STK10: variants seen among roughly 807,000 people sequenced by gnomAD.
STK10 encodes serine/threonine kinase 10.
A neutral mutation model predicts 113.8 loss-of-function variants in STK10; 78 were observed. That is an observed-to-expected ratio of 0.69 (90% CI 0.57 to 0.83). STK10 has a LOEUF of 0.83. STK10 is among the 40% of genes least tolerant of loss of function. STK10 has a pLI of 0.00. For synonymous variants in STK10, 465 were observed against 494.7 expected, an observed-to-expected ratio of 0.94 and a Z score of 0.80; for missense variants, 1,109 against 1,280.1, an observed-to-expected ratio of 0.87 and a Z score of 2.04.
chr5:172,149,061 G>T (rs1770149979), intron 2 of STK10, among the ~76,000 whole-genome samples: 1 of 152,176 alleles, frequency 6.6e-6, no homozygotes. Flanking sequence ...CAGCTACTTG[G>T]GAGGCTAAGG....
At chr5:172,166,307 G>T (rs917104812) in intron 1 of STK10, among the ~76,000 whole-genome samples, 1 of 152,176 alleles carries the variant, frequency 6.6e-6, no homozygotes, top group South Asian at 2.1e-4. Flanking sequence ...TGTACCTGAA[G>T]GCGGACTCTA....
chr5:172,110,662 G>C lies in STK10; in HGVS notation c.521-2810C>G, dbSNP rs537024085. Among the ~76,000 whole-genome samples the C allele has an allele frequency of 2.0e-5, 3 of 152,298 alleles. No homozygotes were observed. In the South Asian group the frequency reaches 6.2e-4, roughly 32 times the overall value. On this transcript the variant is annotated intron_variant, in intron 4 of 18. Coordinates refer to ENST00000176763, the MANE Select transcript of STK10 (RefSeq NM_005990.4). ...GGACACAGCCTGGCCGGAAGGAGGG[G>C]GCCGGGGGTGGAAGCAGATAAGGCA...
chr5:172,089,494 G>A (rs1283576463), intron 10 of STK10, among the ~76,000 whole-genome samples: 12 of 146,902 alleles, frequency 8.2e-5, no homozygotes, highest in African/African-American at 1.6e-4. Flanking sequence ...GAGTGGGTGG[G>A]TGGATGGATG....
chr5:172,135,667 C>T (rs1164392056), intron 2 of STK10, among the ~76,000 whole-genome samples: 3 of 152,132 alleles, frequency 2.0e-5, no homozygotes, highest in Non-Finnish European at 4.4e-5. Context: ...ACTATTGATC[C>T]AAATGGCAAT....
chr5:172,118,782 G>A (rs1409350971), intron 3 of STK10, among the ~76,000 whole-genome samples: 1 of 150,938 alleles, frequency 6.6e-6, no homozygotes, highest in African/African-American at 2.4e-5. Context: ...AGGAGGCTGA[G>A]GCAGGAGAAT....
At position 172,093,675 on chromosome 5, in the gene STK10, C is replaced by T. The variant is rs1768774846; in HGVS notation, c.1291G>A (p.Ala431Thr). The T allele has an allele frequency of 1.9e-6, 3 of 1,614,132 alleles. No homozygotes were observed. The Admixed American group carries it at 5.0e-5, about 27-fold the overall frequency. The change falls in exon 9 of 19, where the codon GCT becomes ACT. Residue 431 changes from alanine to threonine, a missense_variant. Physicochemically the swap from Ala to Thr is moderately conservative, Grantham distance 58. Transcript: ENST00000176763. The surrounding 1 kb of genome is among the most constrained non-coding windows in gnomAD (Gnocchi z 4.1). ...GGGCTGAGGTCCCCACCCTGCTCAG[C>T]AACTTGCTTCTCCTGGGCTACCTGA... ...RIQVAQEKQV[A>T]EQGGDLSPAA...
intron 18 of STK10, among the ~76,000 whole-genome samples, chr5:172,048,414 T>TTCACACACACAC (rs1554114845): frequency 7.8e-6 from 1 of 128,394 alleles, no homozygotes; most frequent in Non-Finnish European, 1.6e-5. Context: ...TCCCTCTCCC[T>TTCACACACACAC]ACACACACAC....
At chr5:172,068,224 C>T (rs1699884192) in intron 12 of STK10, among the ~76,000 whole-genome samples, 1 of 151,948 alleles carries the variant, frequency 6.6e-6, no homozygotes, top group Admixed American at 6.6e-5. Context: ...GCCTGTAATC[C>T]CAGCTACTCA....
intron 2 of STK10, among the ~76,000 whole-genome samples, chr5:172,140,408 A>G (rs1366877092): frequency 6.6e-6 from 1 of 152,196 alleles, no homozygotes; most frequent in Non-Finnish European, 1.5e-5. Context: ...TAAAAACAGA[A>G]CTACTTGGCC....
intron 14 of STK10, among the ~76,000 whole-genome samples, chr5:172,059,509 C>T (rs1767884118): frequency 6.6e-6 from 1 of 151,904 alleles, no homozygotes; most frequent in Admixed American, 6.6e-5. Context: ...TTTGCATACC[C>T]CATGAAACTG....
Position 172,093,907 on chromosome 5 carries a change from AT to A in STK10, c.1058del (p.Asn353MetfsTer23), listed in dbSNP as rs771603990. The A allele has an allele frequency of 1.3e-6, 2 of 1,537,256 alleles. No individual in the cohort carries two copies. Among genetic ancestry groups the A allele is most frequent in the Admixed American group, 4.1e-5 (2 of 49,200 alleles). ...NSSEVSPPSL[N>X]ADKPLEESPS... ...GTGACTCCTCGAGAGGCTTGTCAGC[AT>A]TGAGGCTTGGCGGACTCACCTCAGA... On this transcript the variant is annotated frameshift_variant, in exon 9 of 19. Coordinates refer to ENST00000176763, the MANE Select transcript of STK10 (RefSeq NM_005990.4). LOFTEE classifies it high-confidence loss of function. This position sits in a 1 kb window ranked among gnomAD's most constrained non-coding sequence, Gnocchi z 4.1.
rs189759878 is a variant in STK10, at chr5:172,152,057, G to A, written c.321+4567C>T. Among the ~76,000 whole-genome samples, 13 of 152,304 alleles carry A rather than the reference G, an allele frequency of 8.5e-5. No individual in the cohort carries two copies. In the East Asian group the frequency reaches 1.9e-3, roughly 23 times the overall value. On this transcript the variant is annotated intron_variant, in intron 2 of 18. Transcript: ENST00000176763. ...ATGAGAGAGGCTTTCTCTGTCCATC[G>A]TGTTTACAGCACCTGCTCCTGACCC...
intron 2 of STK10, among the ~76,000 whole-genome samples, chr5:172,143,762 A>C (rs1357448042): frequency 6.6e-6 from 1 of 152,244 alleles, no homozygotes; most frequent in Non-Finnish European, 1.5e-5. Context: ...TCCTTGAAGA[A>C]GCAGTTTACA....
At chr5:172,097,543 C>T (rs754288065) in intron 7 of STK10, among the ~76,000 whole-genome samples, 2 of 152,204 alleles carry the variant, frequency 1.3e-5, no homozygotes, top group Non-Finnish European at 2.9e-5. Context: ...CTTTACTCAG[C>T]GTCATGACTG....
chr5:172,054,660 T>A lies in STK10; in HGVS notation c.2561A>T (p.Glu854Val), dbSNP rs1223313299. ...GTGTTTCTGCTGTTGCTGCAGCCGC[T>A]CCGACTTCTGCCTCTTCTCCTCCTG... ...SQQEEKRQKS[E>V]RLQQQQKHEN... is the part of the protein sequence containing the mutation. The change falls in exon 17 of 19, where the codon GAG becomes GTG. Residue 854 changes from glutamate (E) to valine (V), a missense_variant. By Grantham distance (121) the Glu-to-Val change is moderately radical (BLOSUM62 -2). Around this residue, in one of 5 missense-constraint regions of STK10, gnomAD observed 885 missense variants for 991.1 expected, o/e 0.89. Coordinates refer to ENST00000176763, the MANE Select transcript of STK10 (RefSeq NM_005990.4). 5 of 1,610,790 alleles carry A rather than the reference T, an allele frequency of 3.1e-6. No individual in the cohort carries two copies. Among genetic ancestry groups the A allele is most frequent in the Non-Finnish European group, 3.4e-6 (4 of 1,179,994 alleles).
chr5:172,090,297 C>T lies in STK10; in HGVS notation c.1620G>A (p.Val540=), dbSNP rs745781821. The T allele has an allele frequency of 3.7e-6, 6 of 1,614,016 alleles. No individual in the cohort carries two copies. In the Admixed American group the frequency reaches 1.0e-4, roughly 27 times the overall value. ...TGATGATCTTGGAGGTGGTGATGCTCACCTCCACACCATCCACCACAAATT... is the reference window on the plus strand; with the variant it reads ...TGATGATCTTGGAGGTGGTGATGCTTACCTCCACACCATCCACCACAAATT... ...TRKFVVDGVE[V]SITTSKIISE... is the part of the protein sequence containing the mutation. The change falls in exon 10 of 19, where the codon GTG becomes GTA. Residue 540 remains valine (V), a synonymous_variant. Coordinates refer to ENST00000176763, the MANE Select transcript of STK10 (RefSeq NM_005990.4).
chr5:172,118,708 G>A (rs564465074), intron 3 of STK10, among the ~76,000 whole-genome samples: 1 of 151,936 alleles, frequency 6.6e-6, no homozygotes, highest in South Asian at 2.1e-4. Context: ...ATGAAACCTT[G>A]TCTCTACTAA....
At position 172,121,373 on chromosome 5, in the gene STK10, C is replaced by A. The variant is rs76301153; in HGVS notation, c.371-3743G>T. 2.5e-3 allele frequency among the ~76,000 whole-genome samples: 374 copies of A among 151,966 alleles called. 1 individual carries two copies. Among genetic ancestry groups the A allele is most frequent in the African/African-American group, 8.7e-3 (360 of 41,466 alleles). On this transcript the variant is annotated intron_variant, in intron 3 of 18. Transcript: ENST00000176763. ...TTGTTTGTTTGTTTTAGACAGGGTC[C>A]CACTCTGTTGCTCAGGCTGGAGGGC...
intron 15 of STK10, among the ~76,000 whole-genome samples, chr5:172,056,203 C>T (rs910158144): frequency 6.6e-6 from 1 of 152,224 alleles, no homozygotes; most frequent in African/African-American, 2.4e-5. Flanking sequence ...TCCAAGAAGC[C>T]TTCCCCGATT....
Sources: allele counts gnomAD v4.1 joint callset (sites outside exome capture counted in the v4.1 genomes callset), GRCh38; gene constraint gnomAD v4.1.1; regional missense constraint gnomAD v4.1.1; non-coding constraint Gnocchi (gnomAD v3.1); transcripts MANE v1.5; gene names NCBI Gene and HGNC (gene_info 2026-07-23, HGNC 2026-07-21).